The following GAS2 variants were observed in gnomAD, a reference collection of about 807,000 sequenced individuals.
The protein encoded by GAS2 is growth arrest-specific protein 2.
A neutral mutation model predicts 37.5 loss-of-function variants in GAS2; 20 were observed. The ratio of observed to expected loss-of-function variants is 0.53; its 90% confidence interval spans 0.37 to 0.77. The LOEUF (loss-of-function observed/expected upper bound fraction) is 0.77. GAS2 is among the 30% of genes least tolerant of loss of function. The pLI is 0.00. For missense variants in GAS2, 336 were observed against 373.4 expected, an observed-to-expected ratio of 0.90 and a Z score of 0.82; for synonymous variants, 144 against 132.2, an observed-to-expected ratio of 1.09 and a Z score of -0.61.
At chr11:22,746,383 C>G in intron 5 of GAS2, among the ~76,000 whole-genome samples, 1 of 152,120 alleles carries the variant, frequency 6.6e-6, no homozygotes, top group Non-Finnish European at 1.5e-5. Flanking sequence ...GAAAATAAAT[C>G]ATTCTACCAA....
chr11:22,657,896 C>G (rs1336128677), intron 1 of GAS2, among the ~76,000 whole-genome samples: 1 of 152,044 alleles, frequency 6.6e-6, no homozygotes, highest in East Asian at 1.9e-4. Flanking sequence ...AGTTATGCAA[C>G]AACTGGTAAA....
chr11:22,715,831 C>A (rs1180652491), intron 3 of GAS2, among the ~76,000 whole-genome samples: 1 of 151,938 alleles, frequency 6.6e-6, no homozygotes, highest in East Asian at 1.9e-4. Context: ...CTAATCTTCC[C>A]TAAATCATTC....
At chr11:22,634,206 C>G (rs1471747917) in intron 1 of GAS2, among the ~76,000 whole-genome samples, 2 of 152,086 alleles carry the variant, frequency 1.3e-5, no homozygotes, top group Non-Finnish European at 1.5e-5. Flanking sequence ...AAGGGGTTTC[C>G]GCTTATAAAA....
chr11:22,773,921 T>C (rs969766482), intron 7 of GAS2, among the ~76,000 whole-genome samples: 1 of 152,208 alleles, frequency 6.6e-6, no homozygotes, highest in African/African-American at 2.4e-5. Context: ...ATATGTAATG[T>C]GCTTCCCACC....
intron 3 of GAS2, among the ~76,000 whole-genome samples, chr11:22,705,715 A>C (rs1190655911): frequency 6.6e-6 from 1 of 152,208 alleles, no homozygotes; most frequent in Non-Finnish European, 1.5e-5. Flanking sequence ...AGGGCAAAAT[A>C]TTGGATGCTC....
chr11:22,784,046 G>A (rs1172915393), intron 7 of GAS2, among the ~76,000 whole-genome samples: 1 of 152,128 alleles, frequency 6.6e-6, no homozygotes, highest in Non-Finnish European at 1.5e-5. Flanking sequence ...GGTTACTGTA[G>A]CCTTGTAGTA....
chr11:22,748,828 G>T (rs1468099193), intron 5 of GAS2, among the ~76,000 whole-genome samples: 7 of 151,956 alleles, frequency 4.6e-5, no homozygotes. Context: ...AATTTACATG[G>T]TTATTCATGT....
intron 2 of GAS2, among the ~76,000 whole-genome samples, chr11:22,677,019 A>T (rs1339700443): frequency 6.6e-6 from 1 of 152,204 alleles, no homozygotes; most frequent in East Asian, 1.9e-4. Flanking sequence ...TGTTCCAGAC[A>T]GTCATCTAGG....
chr11:22,720,868 C>CT (rs994919693), intron 3 of GAS2, among the ~76,000 whole-genome samples: 1 of 151,954 alleles, frequency 6.6e-6, no homozygotes, highest in African/African-American at 2.4e-5. Context: ...CTCTCAGTCT[C>CT]TTTTTTTCTC....
intron 7 of GAS2, among the ~76,000 whole-genome samples, chr11:22,775,631 A>C (rs17234098): frequency 0.14 from 20,670 of 152,136 alleles, 1,615 homozygotes; most frequent in Non-Finnish European, 0.17. Flanking sequence ...ATAGTCTTTT[A>C]ACATTTTACC....
chr11:22,806,850 A>T (rs1590152963), intron 7 of GAS2, among the ~76,000 whole-genome samples: 3 of 152,114 alleles, frequency 2.0e-5, no homozygotes, highest in African/African-American at 7.2e-5. Flanking sequence ...TTGACCTAAA[A>T]CCCTTCCATC....
chr11:22,693,264 A>G (rs527897843), intron 3 of GAS2, among the ~76,000 whole-genome samples: 51 of 152,314 alleles, frequency 3.3e-4, no homozygotes, highest in South Asian at 4.1e-4. Context: ...TTTTCTACTT[A>G]TAAGAATAAA....
intron 1 of GAS2, among the ~76,000 whole-genome samples, chr11:22,652,552 G>A (rs532385517): frequency 1.2e-4 from 18 of 152,326 alleles, no homozygotes; most frequent in African/African-American, 3.1e-4. Context: ...ATCTCAGACT[G>A]CTGTACTAGC....
At chr11:22,762,698 C>T (rs1471283294) in intron 7 of GAS2, among the ~76,000 whole-genome samples, 1 of 152,036 alleles carries the variant, frequency 6.6e-6, no homozygotes, top group East Asian at 1.9e-4. Flanking sequence ...ATATATTTGC[C>T]TGACTATATT....
chr11:22,728,870 C>CTT (rs1307980672), intron 4 of GAS2, among the ~76,000 whole-genome samples: 3 of 139,934 alleles, frequency 2.1e-5, no homozygotes, highest in East Asian at 2.1e-4. Flanking sequence ...ACCGTTTCTC[C>CTT]TTTTTTTTTT....
At chr11:22,808,537 C>T (rs1857000016) in intron 7 of GAS2, among the ~76,000 whole-genome samples, 1 of 152,152 alleles carries the variant, frequency 6.6e-6, no homozygotes, top group Non-Finnish European at 1.5e-5. Flanking sequence ...GAATATGTGC[C>T]TAAATGGCCA....
chr11:22,725,767 A>G (rs752791614), intron 3 of GAS2, among the ~76,000 whole-genome samples: 14 of 152,128 alleles, frequency 9.2e-5, no homozygotes, highest in Non-Finnish European at 1.9e-4. Flanking sequence ...CTTTCTTGGT[A>G]TTGATGACTG....
At chr11:22,675,473 A>G (rs1405130867) in intron 2 of GAS2, among the ~76,000 whole-genome samples, 3 of 152,156 alleles carry the variant, frequency 2.0e-5, no homozygotes, top group Non-Finnish European at 4.4e-5. Flanking sequence ...TCTTTTTCCA[A>G]ATGAGCTGAC....
At chr11:22,699,777 G>C (rs549072590) in intron 3 of GAS2, among the ~76,000 whole-genome samples, 1 of 152,106 alleles carries the variant, frequency 6.6e-6, no homozygotes, top group South Asian at 2.1e-4. Context: ...AGCACTGAGT[G>C]GTACCTAGTA....
Sources: gnomAD v4.1 joint callset for allele counts (sites outside exome capture counted in the v4.1 genomes callset) on GRCh38, gnomAD v4.1.1 for gene constraint, MANE v1.5 for transcripts, NCBI Gene and HGNC (gene_info 2026-07-23, HGNC 2026-07-21) for gene names.